The following PUDP variants were observed in gnomAD, a reference collection of about 807,000 sequenced individuals.
The protein encoded by PUDP is pseudouridine-5'-phosphatase.
PUDP carries 8 observed loss-of-function variants against 9.4 expected under a neutral mutation model. The observed-to-expected ratio is 0.85, with a 90% CI of 0.50 to 1.53. The LOEUF (loss-of-function observed/expected upper bound fraction) is 1.53. PUDP is among the 40% of genes most tolerant of loss of function. The probability of loss-of-function intolerance (pLI) is 0.00; values close to 1 mark genes in which losing one functional copy is unlikely to be tolerated. For missense variants in PUDP, 188 were observed against 189.7 expected, an observed-to-expected ratio of 0.99 and a Z score of 0.05; for synonymous variants, 99 against 80.7, an observed-to-expected ratio of 1.23 and a Z score of -1.22.
chrX:6,713,389 G>C (rs1216101901), intron 1 of PUDP, among the ~76,000 whole-genome samples: 1 of 111,276 alleles, frequency 9.0e-6, no homozygotes, highest in Non-Finnish European at 1.9e-5. Context: ...CATACTTTGA[G>C]TACTCATACA....
At chrX:7,129,956 C>A (rs1456236670) in intron 1 of PUDP, among the ~76,000 whole-genome samples, 1 of 111,846 alleles carries the variant, frequency 8.9e-6, no homozygotes, top group Non-Finnish European at 1.9e-5. Flanking sequence ...CACCGCCCAA[C>A]AAATGGTTAT....
At chrX:7,118,658 G>C (rs763569333) in intron 1 of PUDP, among the ~76,000 whole-genome samples, 28 of 112,142 alleles carry the variant, frequency 2.5e-4, no homozygotes, top group African/African-American at 9.1e-4. Flanking sequence ...ATTCAGTCCA[G>C]GTTTCCAGTG....
intron 1 of PUDP, among the ~76,000 whole-genome samples, chrX:6,992,375 C>T (rs1305028672): frequency 4.5e-5 from 4 of 89,394 alleles, no homozygotes; most frequent in African/African-American, 7.9e-5. Context: ...CGGGTTCACG[C>T]CATTCTCCTG....
intron 3 of PUDP, among the ~76,000 whole-genome samples, chrX:7,059,723 C>A (rs1004069891): frequency 3.6e-5 from 4 of 112,078 alleles, no homozygotes; most frequent in African/African-American, 1.3e-4. Context: ...GGTATGCTTG[C>A]TGTATAATAT....
chrX:6,713,347 C>T (rs768398913), intron 1 of PUDP, among the ~76,000 whole-genome samples: 34 of 111,965 alleles, frequency 3.0e-4, no homozygotes, highest in Middle Eastern at 4.6e-3. Context: ...GACATTATGA[C>T]GGTGCAACAG....
chrX:7,023,666 C>CAT (rs1249969000), intron 1 of PUDP, among the ~76,000 whole-genome samples: 2 of 112,042 alleles, frequency 1.8e-5, no homozygotes, highest in African/African-American at 6.5e-5. Context: ...ATCAGTTGTG[C>CAT]ATATATATGT....
rs146774575 is a variant in PUDP at position 6,856,147 on chromosome X, A to G, written c.*247+120986T>C. ...CATGTGAACTCTGCAGGCATTACCA[A>G]TGTTGGAGAGGTGCAATAGGAAAAG... On this transcript the variant is annotated intron_variant and NMD_transcript_variant, in intron 3 of 3. Coordinates refer to the PUDP transcript ENST00000655425. Among the ~76,000 whole-genome samples the G allele has an allele frequency of 5.6e-3, 627 of 111,118 alleles. 1 individual carries two copies. Among genetic ancestry groups the G allele is most frequent in the South Asian group, 8.2e-3 (21 of 2,560 alleles).
intron 3 of PUDP, among the ~76,000 whole-genome samples, chrX:6,880,854 T>G (rs1452853136): frequency 3.6e-5 from 4 of 112,207 alleles, no homozygotes; most frequent in Non-Finnish European, 7.5e-5. Context: ...ATTCAATAAT[T>G]TAACAAATAT....
chrX:7,027,379 T>C (rs186880064), intron 1 of PUDP, among the ~76,000 whole-genome samples: 2 of 110,715 alleles, frequency 1.8e-5, no homozygotes, highest in Admixed American at 9.7e-5. Flanking sequence ...CGCAGGTGTC[T>C]TCTAATATTT....
At chrX:6,813,560 C>G (rs769861584) in intron 3 of PUDP, among the ~76,000 whole-genome samples, 13 of 111,729 alleles carry the variant, frequency 1.2e-4, no homozygotes, top group Admixed American at 1.9e-4. Context: ...TCCTTTCCCC[C>G]CGTAGGGCGT....
intron 3 of PUDP, among the ~76,000 whole-genome samples, chrX:6,842,047 C>T (rs1474207642): frequency 9.0e-6 from 1 of 111,334 alleles, no homozygotes; most frequent in Non-Finnish European, 1.9e-5. Context: ...TTGCAAGCTT[C>T]TTCAATGAAA....
At chrX:7,135,415 G>C (rs1388379882) in intron 1 of PUDP, among the ~76,000 whole-genome samples, 1 of 111,974 alleles carries the variant, frequency 8.9e-6, no homozygotes, top group Non-Finnish European at 1.9e-5. Flanking sequence ...CAATTTTCCT[G>C]ACATCTGTCT....
chrX:6,950,694 G>A (rs947868072), intron 3 of PUDP, among the ~76,000 whole-genome samples: 15 of 110,953 alleles, frequency 1.4e-4, no homozygotes, highest in Non-Finnish European at 1.9e-5. Flanking sequence ...ACAGGCGTGA[G>A]CCACTGCGTC....
chrX:6,791,455 C>T (rs12011520), intron 3 of PUDP, among the ~76,000 whole-genome samples: 20,277 of 110,789 alleles, frequency 0.18, 1,896 homozygotes, highest in African/African-American at 0.36. Flanking sequence ...CAAAGAGTAA[C>T]CAAGGTTATG....
chrX:7,137,727 G>A (rs1203114742), intron 1 of PUDP, among the ~76,000 whole-genome samples: 1 of 112,366 alleles, frequency 8.9e-6, no homozygotes, highest in Non-Finnish European at 1.9e-5. Flanking sequence ...GCATGGAACA[G>A]AGGAACCCAT....
chrX:7,008,976 T>C (rs1195712654), intron 1 of PUDP, among the ~76,000 whole-genome samples: 5 of 112,344 alleles, frequency 4.5e-5, no homozygotes, highest in Admixed American at 2.8e-4. Context: ...ATTGTTGAGA[T>C]AGAAGTAGAC....
chrX:6,879,789 A>G (rs1171906455), intron 3 of PUDP, among the ~76,000 whole-genome samples: 1 of 111,477 alleles, frequency 9.0e-6, no homozygotes, highest in Non-Finnish European at 1.9e-5. Flanking sequence ...TCTTCTGTGC[A>G]TGCCCAAGTT....
chrX:6,805,374 T>A (rs774274318), intron 3 of PUDP, among the ~76,000 whole-genome samples: 1 of 110,756 alleles, frequency 9.0e-6, no homozygotes, highest in African/African-American at 3.3e-5. Flanking sequence ...AGGGGTTAGG[T>A]CTAGCCAGAA....
intron 1 of PUDP, among the ~76,000 whole-genome samples, chrX:7,112,404 T>A (rs1300962437): frequency 8.9e-6 from 1 of 112,394 alleles, no homozygotes; most frequent in Non-Finnish European, 1.9e-5. Context: ...TGTGACCGCT[T>A]ACTTATGAAG....
Sources: gnomAD v4.1 joint callset for allele counts (sites outside exome capture counted in the v4.1 genomes callset) on GRCh38, gnomAD v4.1.1 for gene constraint, MANE v1.5 for transcripts, NCBI Gene and HGNC (gene_info 2026-07-23, HGNC 2026-07-21) for gene names.